Variants in DHX16 observed in about 807,000 individuals in gnomAD.
The protein encoded by DHX16 is pre-mRNA-splicing factor ATP-dependent RNA helicase DHX16.
In DHX16, 81 loss-of-function variants were observed where a neutral mutation model predicts 131.2. That is an observed-to-expected ratio of 0.62 (90% CI 0.52 to 0.74). The LOEUF is 0.74. DHX16 is among the 30% of genes least tolerant of loss of function. The probability of loss-of-function intolerance (pLI) is 0.00; values close to 1 mark genes in which losing one functional copy is unlikely to be tolerated. For synonymous variants in DHX16, 440 were observed against 520.2 expected (o/e 0.85, Z 2.10); for missense variants, 980 against 1,363.1 (o/e 0.72, Z 4.43).
In DHX16 at chr6:30,672,943, G is replaced by T. The variant is rs756665379; in HGVS notation, c.-102C>A. ...AGCCCTCGGCTGGAGCCTCAGCTTC[G>T]CAAGTCAGCTACCTTGGGACCTCTA... On this transcript the variant is annotated 5_prime_UTR_variant, in exon 1 of 20. Coordinates refer to ENST00000376442, the MANE Select transcript of DHX16 (RefSeq NM_003587.5). The T allele has an allele frequency of 1.3e-6, 2 of 1,559,820 alleles. No individual in the cohort carries two copies. The highest frequency in any genetic ancestry group is 1.2e-5 in the South Asian group (1 of 85,666).
chr6:30,660,536 C>T (rs896479902), intron 9 of DHX16: 3 of 350,516 alleles, frequency 8.6e-6, no homozygotes, highest in Non-Finnish European at 1.5e-5. Flanking sequence ...CTAGTTCAGT[C>T]AAGAGTCTGC....
chr6:30,668,979 C>T (rs929736206), intron 4 of DHX16, among the ~76,000 whole-genome samples: 1 of 151,290 alleles, frequency 6.6e-6, no homozygotes, highest in East Asian at 2.0e-4. Context: ...GTGGCTCATG[C>T]CTGTAATCCC....
intron 7 of DHX16, among the ~76,000 whole-genome samples, chr6:30,664,529 CCTT>C (rs1768828768): frequency 6.6e-6 from 1 of 151,764 alleles, no homozygotes; most frequent in African/African-American, 2.4e-5. Context: ...TCCTTTAACT[CCTT>C]GTTTTTTGGC....
chr6:30,672,843 G>C lies in DHX16; in HGVS notation c.-2C>G. On this transcript the variant is annotated 5_prime_UTR_variant, in exon 1 of 20. Transcript: ENST00000376442. ...CTCCAGACCCGCCGGCGTCGCCATGGCGACTCACGCTCCCTGCTCCCGGCC... is the reference window on the plus strand; with the variant it reads ...CTCCAGACCCGCCGGCGTCGCCATGCCGACTCACGCTCCCTGCTCCCGGCC... 1 of 1,612,260 alleles carries C rather than the reference G, an allele frequency of 6.2e-7. No homozygotes were observed. Among genetic ancestry groups the C allele is most frequent in the Non-Finnish European group, 8.5e-7 (1 of 1,179,424 alleles).
chr6:30,668,840 T>G (rs1467599824), intron 4 of DHX16, among the ~76,000 whole-genome samples: 1 of 152,146 alleles, frequency 6.6e-6, no homozygotes, highest in African/African-American at 2.4e-5. Flanking sequence ...ACGTGGTGAC[T>G]CACGCCTATA....
At chr6:30,659,702 A>G (rs1240394216) in intron 11 of DHX16, 34 bp downstream of exon 11, 2 of 1,613,240 alleles carry the variant, frequency 1.2e-6, no homozygotes, top group African/African-American at 2.7e-5. Context: ...TTCCCCTGGG[A>G]TACATCATCC....
At chr6:30,671,380 G>C (rs9295901) in intron 1 of DHX16, 106 bp from the exon 2 acceptor site, 38,448 of 1,092,792 alleles carry the variant, frequency 0.035, 2,165 homozygotes, top group African/African-American at 0.21. Flanking sequence ...TCCTGCCCCC[G>C]CGGCCCGGCC....
intron 9 of DHX16, chr6:30,661,864 T>TA (rs1208261709): frequency 1.5e-5 from 11 of 717,950 alleles, no homozygotes; most frequent in Non-Finnish European, 2.3e-5. Flanking sequence ...CATGGGTTCT[T>TA]AGAGATCTTT....
intron 19 of DHX16, among the ~76,000 whole-genome samples, chr6:30,654,468 T>C (rs1194879872): frequency 6.6e-6 from 1 of 151,858 alleles, no homozygotes; most frequent in Non-Finnish European, 1.5e-5. Context: ...GAGAATCTCT[T>C]GAACCCCAGA....
At position 30,656,344 on chromosome 6, in the gene DHX16, C is replaced by T. The variant is rs914423068; in HGVS notation, c.2430+47G>A. ...CTACTACAGGGGTCCCTGGAGCCAT[C>T]CTGACCCCTATCATCCTGCCTCCAC... On this transcript the variant is annotated intron_variant, in intron 15 of 19. Coordinates refer to ENST00000376442, the MANE Select transcript of DHX16 (RefSeq NM_003587.5). The surrounding 1 kb of genome is among the most constrained non-coding windows in gnomAD (Gnocchi z 5.1). 8 of 1,609,254 alleles carry T rather than the reference C, an allele frequency of 5.0e-6. No individual in the cohort carries two copies. Among genetic ancestry groups the T allele is most frequent in the Non-Finnish European group, 6.8e-6 (8 of 1,175,816 alleles).
chr6:30,660,335 A>T, intron 9 of DHX16, 93 bp from the exon 10 acceptor site: 1 of 1,060,200 alleles, frequency 9.4e-7, no homozygotes, highest in Non-Finnish European at 1.3e-6. Flanking sequence ...AGTAATGGAC[A>T]CAAAGAGTTC....
Position 30,665,327 on chromosome 6 carries a change from C to A in DHX16, c.922-53G>T. 6.3e-7 allele frequency: 1 copy of A among 1,593,666 alleles called. No individual in the cohort carries two copies. On this transcript the variant is annotated intron_variant, in intron 5 of 19. Transcript: ENST00000376442. This position sits in a 1 kb window ranked among gnomAD's most constrained non-coding sequence, Gnocchi z 4.8. ...TCAAAAACAGGATGTCCTCTCTGCC[C>A]TCTCCCCTCTTCCCATTACTACCCC...
rs973551953 is a variant in DHX16, at chr6:30,670,960, C to A, written c.447-8G>T. The A allele has an allele frequency of 1.9e-6, 3 of 1,612,988 alleles. No individual in the cohort carries two copies. In the African/African-American group the frequency reaches 4.0e-5, roughly 22 times the overall value. On this transcript the variant is annotated splice_polypyrimidine_tract_variant and splice_region_variant and intron_variant, in intron 2 of 19. Transcript: ENST00000376442. This position sits in a 1 kb window ranked among gnomAD's most constrained non-coding sequence, Gnocchi z 4.4. The stretch of plus-strand genomic sequence containing the variant: ...GTCTGCTGTTTACTCCCCCTGCAGC[C>A]CATCCAGGGGATTAAATAAGGGCAT...
intron 1 of DHX16, 85 bp from the exon 2 acceptor site, chr6:30,671,359 T>G: frequency 1.5e-6 from 2 of 1,315,440 alleles, no homozygotes; most frequent in South Asian, 2.7e-5. Context: ...TTTAAGCAAT[T>G]ACTTAGTCTT....
At chr6:30,659,970 C>A in intron 10 of DHX16, 62 bp downstream of exon 10, 3 of 1,580,256 alleles carry the variant, frequency 1.9e-6, no homozygotes, top group Non-Finnish European at 2.6e-6. Flanking sequence ...CACAGGATAA[C>A]CTTCTCCAAA....
At chr6:30,655,028 G>A (rs1161279561) in intron 18 of DHX16, 147 bp downstream of exon 18, 10 of 1,387,260 alleles carry the variant, frequency 7.2e-6, no homozygotes, top group African/African-American at 2.9e-5. Flanking sequence ...TCAGTGGTCT[G>A]GGGAAGAAAG....
intron 4 of DHX16, among the ~76,000 whole-genome samples, chr6:30,668,187 G>A (rs1196707556): frequency 6.6e-6 from 1 of 152,118 alleles, no homozygotes. Flanking sequence ...ACGCCATGAT[G>A]TCTAAGACTC....
At position 30,655,269 on chromosome 6, in the gene DHX16, C is replaced by T. The variant is rs375049305; in HGVS notation, c.2729G>A (p.Arg910Gln). 4.6e-5 allele frequency: 74 copies of T among 1,614,170 alleles called. No homozygotes were observed. Among genetic ancestry groups the T allele is most frequent in the Non-Finnish European group, 5.9e-5 (70 of 1,180,036 alleles). Residue 910 changes from arginine (R) to glutamine (Q), a missense_variant, in exon 18 of 20, where the codon CGA becomes CAA. Arg to Gln is a conservative substitution (Grantham distance 43). This residue lies in a region of DHX16 where 214 missense variants were observed against 271.2 expected (regional missense o/e 0.79). Transcript: ENST00000376442. ...ENFVQFRSMR[R>Q]ARDVREQLEG... ...CAGCTGTTCCCGCACATCCCGGGCTCGGCGCATCGATCTGAACTGTACAAA... is the reference window on the plus strand; with the variant it reads ...CAGCTGTTCCCGCACATCCCGGGCTTGGCGCATCGATCTGAACTGTACAAA...
chr6:30,655,200 T>C lies in DHX16; in HGVS notation c.2798A>G (p.Gln933Arg). The C allele has an allele frequency of 1.2e-6, 2 of 1,614,138 alleles. No homozygotes were observed. Among genetic ancestry groups the C allele is most frequent in the Non-Finnish European group, 1.7e-6 (2 of 1,179,976 alleles). Reference sequence around the variant, plus strand: ...CTTGCGTACACGGATATAGTCCCCCTGGCAGGAACTGAGACCAACTTCCAC... The same window carrying C: ...CTTGCGTACACGGATATAGTCCCCCCGGCAGGAACTGAGACCAACTTCCAC... ...ERVEVGLSSC[Q>R]GDYIRVRKAI... The change falls in exon 18 of 20, where the codon CAG becomes CGG. Residue 933 changes from glutamine to arginine, a missense_variant. Coordinates refer to ENST00000376442, the MANE Select transcript of DHX16 (RefSeq NM_003587.5).
Sources: allele counts gnomAD v4.1 joint callset (sites outside exome capture counted in the v4.1 genomes callset), GRCh38; gene constraint gnomAD v4.1.1; regional missense constraint gnomAD v4.1.1; non-coding constraint Gnocchi (gnomAD v3.1); transcripts MANE v1.5; gene names NCBI Gene and HGNC (gene_info 2026-07-23, HGNC 2026-07-21).